Variants in CELF2 observed in about 807,000 individuals in gnomAD.
CELF2 encodes the protein CUG triplet repeat RNA-binding protein 2.
CELF2 carries 8 observed loss-of-function variants against 62.6 expected under a neutral mutation model. That is an observed-to-expected ratio of 0.13 (90% CI 0.07 to 0.23). CELF2 has a LOEUF of 0.23. Ranked by LOEUF, CELF2 falls within the 10% of genes least tolerant of loss-of-function variation. The pLI, the probability that CELF2 is intolerant of heterozygous loss-of-function variation, is 1.00. For missense variants in CELF2, 333 were observed against 671.0 expected (o/e 0.50, Z 5.56); for synonymous variants, 258 against 250.0 (o/e 1.03, Z -0.30).
chr10:10,725,415 A>G, the CELF2 span, among the ~76,000 whole-genome samples: 1 of 152,200 alleles, frequency 6.6e-6, no homozygotes, highest in Non-Finnish European at 1.5e-5. Context: ...CGGGATTGTG[A>G]CGGGTGAAGA....
the CELF2 span, among the ~76,000 whole-genome samples, chr10:10,520,099 C>A: frequency 6.6e-6 from 1 of 152,164 alleles, no homozygotes; most frequent in Non-Finnish European, 1.5e-5. Context: ...AGATAGTAGA[C>A]TACCATGGAA....
At chr10:11,101,335 G>A (rs561626613) in intron 1 of CELF2, among the ~76,000 whole-genome samples, 1 of 152,086 alleles carries the variant, frequency 6.6e-6, no homozygotes, top group Non-Finnish European at 1.5e-5. Context: ...CATAAGAAAG[G>A]TCTTGGTTGA....
chr10:10,635,067 T>G, the CELF2 span, among the ~76,000 whole-genome samples: 1 of 152,170 alleles, frequency 6.6e-6, no homozygotes, highest in Non-Finnish European at 1.5e-5. Flanking sequence ...ACAAGTGCTA[T>G]GCATCACCTC....
At chr10:10,478,432 T>G in the CELF2 span, among the ~76,000 whole-genome samples, 1 of 152,168 alleles carries the variant, frequency 6.6e-6, no homozygotes, top group East Asian at 1.9e-4. Flanking sequence ...AAGAAGCTAA[T>G]GTACACGTTC....
chr10:10,996,709 T>A (rs986472239), intron 2 of CELF2, among the ~76,000 whole-genome samples: 4 of 152,188 alleles, frequency 2.6e-5, no homozygotes, highest in Non-Finnish European at 5.9e-5. Flanking sequence ...CATCCTCCTT[T>A]GTCCCCGCTG....
At chr10:10,714,943 C>T in the CELF2 span, among the ~76,000 whole-genome samples, 1 of 151,874 alleles carries the variant, frequency 6.6e-6, no homozygotes, top group African/African-American at 2.4e-5. Context: ...TTCCACCATA[C>T]CAAAGATTCA....
At chr10:10,625,530 G>T in the CELF2 span, among the ~76,000 whole-genome samples, 2 of 152,216 alleles carry the variant, frequency 1.3e-5, no homozygotes, top group East Asian at 1.9e-4. Flanking sequence ...GGAATGCAGA[G>T]AAGTTTCAAA....
chr10:10,913,861 A>AGGAAGGAAGGAAGGAG, intron 1 of CELF2, among the ~76,000 whole-genome samples: 1 of 106,950 alleles, frequency 9.4e-6, no homozygotes, highest in East Asian at 2.9e-4. Flanking sequence ...GAAGGAGAGA[A>AGGAAGGAAGGAAGGAG]GGAAGGAAGG....
At chr10:11,323,424 A>AAAAAAT (rs1555123560) in intron 11 of CELF2, among the ~76,000 whole-genome samples, 1 of 141,650 alleles carries the variant, frequency 7.1e-6, no homozygotes, top group African/African-American at 2.6e-5. Context: ...GGCAGAGCAA[A>AAAAAAT]AATAATAATA....
chr10:10,676,424 G>A, the CELF2 span, among the ~76,000 whole-genome samples: 2 of 152,188 alleles, frequency 1.3e-5, no homozygotes, highest in East Asian at 1.9e-4. Context: ...GGTAGACTTT[G>A]TTTAAAAGAA....
chr10:10,536,280 T>C, the CELF2 span, among the ~76,000 whole-genome samples: 252 of 152,236 alleles, frequency 1.7e-3, no homozygotes, highest in African/African-American at 5.9e-3. Flanking sequence ...GGCCTCCCAA[T>C]GTGTTGGGAT....
chr10:10,902,890 A>AGGGAAGAAGGGAGGGAGG (rs2063040532), intron 1 of CELF2, among the ~76,000 whole-genome samples: 1 of 115,348 alleles, frequency 8.7e-6, no homozygotes, highest in Non-Finnish European at 1.7e-5. Flanking sequence ...CAGGAGAGAG[A>AGGGAAGAAGGGAGGGAGG]GGGAAGAAGG....
chr10:10,612,298 T>G, the CELF2 span, among the ~76,000 whole-genome samples: 1 of 152,166 alleles, frequency 6.6e-6, no homozygotes, highest in Admixed American at 6.6e-5. Flanking sequence ...CCGGTGAAAT[T>G]ATAAGCTTCA....
chr10:10,806,425 G>A (rs1047204748), intron 1 of CELF2, among the ~76,000 whole-genome samples: 2 of 152,050 alleles, frequency 1.3e-5, no homozygotes, highest in African/African-American at 4.8e-5. Flanking sequence ...GGATGGTCTC[G>A]ATCTCTCTGA....
chr10:11,217,269 G>A lies in CELF2; in HGVS notation c.272-156G>A, dbSNP rs1337161689. 6.6e-6 allele frequency among the ~76,000 whole-genome samples: 1 copy of A among 152,204 alleles called. No homozygotes were observed. The highest frequency in any genetic ancestry group is 1.5e-5 in the Non-Finnish European group (1 of 68,036). On this transcript the variant is annotated intron_variant, in intron 2 of 12. Coordinates refer to ENST00000633077, the MANE Select transcript of CELF2 (RefSeq NM_001326342.2). The surrounding 1 kb of genome is among the most constrained non-coding windows in gnomAD (Gnocchi z 5.6). ...ATGATTTAGGATGAAAAGGTACTGT[G>A]TAAATGCTTGAGATGTTGTTATTGC... is the stretch of plus-strand genomic sequence containing the variant.
At position 11,277,208 on chromosome 10, in the gene CELF2, G is replaced by T. The variant is rs1041585841; in HGVS notation, c.841+2088G>T. ...TTGGAGTACTTTCTCCACCAATGAA[G>T]AAAAGTTTATATGGCCTCTCCTACG... On this transcript the variant is annotated intron_variant, in intron 8 of 12. Coordinates refer to ENST00000633077, the MANE Select transcript of CELF2 (RefSeq NM_001326342.2). Among the ~76,000 whole-genome samples, 4 of 152,316 alleles carry T rather than the reference G, an allele frequency of 2.6e-5. 1 individual carries two copies. Among genetic ancestry groups the T allele is most frequent in the African/African-American group, 9.6e-5 (4 of 41,566 alleles).
rs541814072 is a variant in CELF2 at position 11,157,396 on chromosome 10, A to C, written c.75-8090A>C. Among the ~76,000 whole-genome samples the C allele has an allele frequency of 4.0e-4, 46 of 116,354 alleles. No individual in the cohort carries two copies. The highest frequency in any genetic ancestry group is 5.9e-4 in the Non-Finnish European group (33 of 55,612). The allele number at this position is 116,354 out of a possible 152,430, so 76.3% of individuals were successfully genotyped here. A position where few individuals can be genotyped will look rare whatever the true frequency, so the allele number is the denominator to read the frequency against. On this transcript the variant is annotated intron_variant, in intron 1 of 12. Transcript: ENST00000633077. The surrounding 1 kb of genome is among the most constrained non-coding windows in gnomAD (Gnocchi z 4.9). ...ACTTTGATATCCGCCCTCCCCCCAC[A>C]CACACACACACAAAAATTTCACTTA... is the stretch of plus-strand genomic sequence containing the variant.
intron 1 of CELF2, among the ~76,000 whole-genome samples, chr10:10,833,882 G>A (rs1408576466): frequency 6.6e-6 from 1 of 152,194 alleles, no homozygotes; most frequent in Admixed American, 6.5e-5. Context: ...AATTAGTTCA[G>A]TCACTGTGGA....
intron 2 of CELF2, among the ~76,000 whole-genome samples, chr10:10,963,228 A>AT (rs1484405536): frequency 6.6e-6 from 1 of 151,554 alleles, no homozygotes; most frequent in South Asian, 2.1e-4. Flanking sequence ...TAATTTTTGT[A>AT]TTTTTTAGTA....
Sources: gnomAD v4.1 joint callset for allele counts (sites outside exome capture counted in the v4.1 genomes callset) on GRCh38, gnomAD v4.1.1 for gene constraint, Gnocchi (gnomAD v3.1) non-coding constraint, MANE v1.5 for transcripts, NCBI Gene and HGNC (gene_info 2026-07-23, HGNC 2026-07-21) for gene names.